The following DCAF16 variants were observed in gnomAD, a reference collection of about 807,000 sequenced individuals.
DCAF16 encodes DDB1- and CUL4-associated factor 16.
Under a neutral mutation model 17.3 loss-of-function variants are expected in DCAF16, and 10 were observed. That is an observed-to-expected ratio of 0.58 (90% CI 0.36 to 0.98). DCAF16 has a LOEUF of 0.98. Among genes scored for constraint, DCAF16 ranks in the 50% least tolerant of loss-of-function variants. DCAF16 has a pLI of 0.01. For missense variants in DCAF16, 249 were observed against 247.6 expected, an observed-to-expected ratio of 1.01 and a Z score of -0.04; for synonymous variants, 111 against 92.8, an observed-to-expected ratio of 1.20 and a Z score of -1.12.
rs746211863 is a variant in DCAF16 at position 17,804,113 on chromosome 4, T to C, written c.29A>G (p.His10Arg). The C allele has an allele frequency of 1.2e-6, 2 of 1,613,890 alleles. No individual in the cohort carries two copies. Among genetic ancestry groups the C allele is most frequent in the East Asian group, 2.2e-5 (1 of 44,892 alleles). Reference protein sequence around the residue: MGPRNPSPDHLSESESEEEE... With the variant: MGPRNPSPDRLSESESEEEE... ...TTCCTCACTTTCTGATTCTGACAAG[T>C]GGTCAGGAGAGGGATTTCTAGGACC... Residue 10 changes from histidine (H) to arginine (R), a missense_variant, in exon 3 of 3, where the codon CAC becomes CGC. By Grantham distance (29) the His-to-Arg change is conservative. Transcript: ENST00000382247.
chr4:17,807,129 C>T (rs959562986), intron 1 of DCAF16, among the ~76,000 whole-genome samples: 1 of 152,020 alleles, frequency 6.6e-6, no homozygotes, highest in African/African-American at 2.4e-5. Flanking sequence ...GATGGTAAAA[C>T]TATATAGTTA....
chr4:17,796,634 G>T, downstream of DCAF16, among the ~76,000 whole-genome samples: 1 of 152,156 alleles, frequency 6.6e-6, no homozygotes, highest in East Asian at 1.9e-4. Flanking sequence ...TTGAACACAG[G>T]AGGTGGAGAT....
In DCAF16 at chr4:17,801,877, G is replaced by GT. The variant is rs1212911321; in HGVS notation, c.*1613dup. On this transcript the variant is annotated 3_prime_UTR_variant, in exon 3 of 3. Transcript: ENST00000382247. ...CCAGCACTTTGGGAGGCCGAGGCAG[G>GT]TGGATCACGAGGTCAGGAGATCAAG... 1.3e-5 allele frequency: 2 copies of GT among 152,186 alleles called. No individual in the cohort carries two copies. Among genetic ancestry groups the GT allele is most frequent in the Admixed American group, 6.6e-5 (1 of 15,264 alleles). 9.4% of individuals were successfully genotyped at this position (152,186 alleles called of 1,614,324 possible).
the DCAF16 span, among the ~76,000 whole-genome samples, chr4:17,793,706 A>C: frequency 6.6e-6 from 1 of 152,186 alleles, no homozygotes; most frequent in Non-Finnish European, 1.5e-5. Flanking sequence ...AGACTAGGAA[A>C]GGGCATAAGA....
At chr4:17,799,676 A>T (rs764566874), downstream of DCAF16, among the ~76,000 whole-genome samples, 28 of 149,520 alleles carry the variant, frequency 1.9e-4, no homozygotes, top group Non-Finnish European at 2.7e-4. Flanking sequence ...CTTTTTTTTT[A>T]AAATATGGAC....
At chr4:17,806,984 A>G (rs1467304879) in intron 1 of DCAF16, among the ~76,000 whole-genome samples, 2 of 152,156 alleles carry the variant, frequency 1.3e-5, no homozygotes, top group South Asian at 2.1e-4. Flanking sequence ...AAAAAGTAAA[A>G]CTGTATTGGA....
At chr4:17,807,375 T>C (rs1045926260) in intron 1 of DCAF16, among the ~76,000 whole-genome samples, 9 of 152,230 alleles carry the variant, frequency 5.9e-5, no homozygotes, top group Non-Finnish European at 1.0e-4. Flanking sequence ...TCCCAAGGCA[T>C]GAACAATATG....
At position 17,800,873 on chromosome 4, in the gene DCAF16, A is replaced by G. The variant is rs1719704861; in HGVS notation, c.*2618T>C. 2 of 152,628 alleles carry G rather than the reference A, an allele frequency of 1.3e-5. 1 individual carries two copies. Among genetic ancestry groups the G allele is most frequent in the South Asian group, 4.1e-4 (2 of 4,828 alleles). 9.5% of individuals were successfully genotyped at this position (152,628 alleles called of 1,614,324 possible). On this transcript the variant is annotated 3_prime_UTR_variant, in exon 3 of 3. Transcript: ENST00000382247. Reference sequence around the variant, plus strand: ...CCACTTAAACAAACAAACAAAAAAAAAGGAAACAGTTTCCTGTAACATTTT... The same window carrying G: ...CCACTTAAACAAACAAACAAAAAAAGAGGAAACAGTTTCCTGTAACATTTT...
chr4:17,804,277 C>T lies in DCAF16; in HGVS notation c.-136G>A, dbSNP rs913013595. The T allele has an allele frequency of 1.8e-5, 13 of 718,614 alleles. No individual in the cohort carries two copies. Among genetic ancestry groups the T allele is most frequent in the African/African-American group, 3.6e-5 (2 of 55,734 alleles). The allele number at this position is 718,614 out of a possible 1,614,324, so 44.5% of individuals were successfully genotyped here. ...AATTTGTCTTTCAGTCCGTTACACA[C>T]ATAAAGTATGCTTGTGGCCCATACC... is the stretch of plus-strand genomic sequence containing the variant. On this transcript the variant is annotated 5_prime_UTR_variant, in exon 3 of 3. The change creates a new upstream start codon in the 5' untranslated region. Transcript: ENST00000382247.
chr4:17,796,844 C>CA (rs147376640), downstream of DCAF16, among the ~76,000 whole-genome samples: 3,543 of 152,244 alleles, frequency 0.023, 148 homozygotes, highest in African/African-American at 0.08. Context: ...CTCATATCTG[C>CA]AATTGGGCCT....
downstream of DCAF16, among the ~76,000 whole-genome samples, chr4:17,795,722 T>C (rs982468671): frequency 6.6e-6 from 1 of 152,244 alleles, no homozygotes; most frequent in African/African-American, 2.4e-5. Context: ...TTTCTGAGAA[T>C]ATCACAGCTT....
At chr4:17,799,499 G>A (rs574583935), downstream of DCAF16, among the ~76,000 whole-genome samples, 1 of 152,194 alleles carries the variant, frequency 6.6e-6, no homozygotes, top group Non-Finnish European at 1.5e-5. Context: ...TCTAACAAGA[G>A]ATATTTAAAA....
downstream of DCAF16, among the ~76,000 whole-genome samples, chr4:17,796,786 G>A (rs779109197): frequency 1.3e-5 from 2 of 152,096 alleles, no homozygotes; most frequent in South Asian, 4.1e-4. Context: ...ATATTGTAAT[G>A]GTTATGTGGT....
intron 1 of DCAF16, among the ~76,000 whole-genome samples, chr4:17,807,301 A>C (rs1270563812): frequency 6.6e-6 from 1 of 152,254 alleles, no homozygotes; most frequent in Non-Finnish European, 1.5e-5. Flanking sequence ...ATCAATTTTT[A>C]AGAAAGCAAC....
intron 1 of DCAF16, among the ~76,000 whole-genome samples, chr4:17,809,117 G>C (rs1466230026): frequency 6.6e-6 from 1 of 152,196 alleles, no homozygotes; most frequent in Non-Finnish European, 1.5e-5. Context: ...ACTAGCAGCT[G>C]AATATCTACA....
In DCAF16 at chr4:17,800,673, A is replaced by T. The variant is rs1046048919; in HGVS notation, c.*2818T>A. The stretch of plus-strand genomic sequence containing the variant: ...TACTCTGTTCAGCATGTACAAAGCT[A>T]TTGGTTTATTCAGCTGCCAAGCTGG... On this transcript the variant is annotated 3_prime_UTR_variant, in exon 3 of 3. Transcript: ENST00000382247. 6.5e-6 allele frequency: 1 copy of T among 152,802 alleles called. No individual in the cohort carries two copies. The highest frequency in any genetic ancestry group is 6.5e-5 in the Admixed American group (1 of 15,310). 9.5% of individuals were successfully genotyped at this position (152,802 alleles called of 1,614,324 possible).
rs1454354275 is a variant in DCAF16, at chr4:17,804,536, T to C, written c.-395A>G. On this transcript the variant is annotated 5_prime_UTR_variant, in exon 3 of 3. Transcript: ENST00000382247. ...TACTGTGAAGAGACACTTTTTGTGCTGTTTTGCTGGCAGTGATATTATATC... is the reference window on the plus strand; with the variant it reads ...TACTGTGAAGAGACACTTTTTGTGCCGTTTTGCTGGCAGTGATATTATATC... 2 of 199,150 alleles carry C rather than the reference T, an allele frequency of 1.0e-5. No individual in the cohort carries two copies. Among genetic ancestry groups the C allele is most frequent in the Non-Finnish European group, 2.3e-5 (2 of 87,602 alleles). The allele number at this position is 199,150 out of a possible 1,614,324, so 12.3% of individuals were successfully genotyped here. A position where few individuals can be genotyped will look rare whatever the true frequency, so the allele number is the denominator to read the frequency against.
At chr4:17,800,293 G>A (rs1719649749), downstream of DCAF16, among the ~76,000 whole-genome samples, 1 of 151,990 alleles carries the variant, frequency 6.6e-6, no homozygotes, top group African/African-American at 2.4e-5. Context: ...TAATTATGGT[G>A]ACTGCATTTA....
chr4:17,806,619 A>T (rs1720350159), intron 1 of DCAF16, among the ~76,000 whole-genome samples: 1 of 152,256 alleles, frequency 6.6e-6, no homozygotes. Flanking sequence ...TATCATAAAG[A>T]TATCAACTTT....
Sources: allele counts gnomAD v4.1 joint callset (sites outside exome capture counted in the v4.1 genomes callset), GRCh38; gene constraint gnomAD v4.1.1; transcripts MANE v1.5; gene names NCBI Gene and HGNC (gene_info 2026-07-23, HGNC 2026-07-21).